NKAIN2: variants seen among roughly 807,000 people sequenced by gnomAD.
NKAIN2 encodes sodium/potassium transporting ATPase interacting 2.
In NKAIN2, 14 loss-of-function variants were observed where a neutral mutation model predicts 32.6. The observed-to-expected ratio is 0.43, with a 90% CI of 0.28 to 0.67. The LOEUF is 0.67. Among genes scored for constraint, NKAIN2 ranks in the 30% least tolerant of loss-of-function variants. The pLI is 0.17. For missense variants in NKAIN2, 198 were observed against 258.3 expected (o/e 0.77, Z 1.60); for synonymous variants, 80 against 87.2 (o/e 0.92, Z 0.46).
intron 3 of NKAIN2, among the ~76,000 whole-genome samples, chr6:124,587,055 A>G (rs767844246): frequency 6.6e-6 from 1 of 152,168 alleles, no homozygotes; most frequent in Non-Finnish European, 1.5e-5. Context: ...CAACAAGGGG[A>G]ATGGGGAATT....
intron 1 of NKAIN2, among the ~76,000 whole-genome samples, chr6:124,124,984 G>A (rs1031960246): frequency 6.6e-6 from 1 of 152,122 alleles, no homozygotes; most frequent in African/African-American, 2.4e-5. Context: ...AAATTTCATT[G>A]TGTCACTGAA....
chr6:124,569,723 C>G (rs1235967002), intron 3 of NKAIN2, among the ~76,000 whole-genome samples: 5 of 152,172 alleles, frequency 3.3e-5, no homozygotes, highest in African/African-American at 4.8e-5. Context: ...AATTAAATCT[C>G]TTTTTCTTCC....
intron 1 of NKAIN2, among the ~76,000 whole-genome samples, chr6:124,032,749 T>G (rs182576636): frequency 9.2e-5 from 14 of 152,160 alleles, no homozygotes; most frequent in African/African-American, 2.6e-4. Flanking sequence ...ATTAAAAAAA[T>G]TAAAAATAGA....
chr6:123,862,340 CTCTA>C (rs902241304), intron 1 of NKAIN2, among the ~76,000 whole-genome samples: 2 of 152,108 alleles, frequency 1.3e-5, no homozygotes, highest in African/African-American at 2.4e-5. Flanking sequence ...TAGTTTTTGA[CTCTA>C]TCTTAGTTTT....
intron 3 of NKAIN2, among the ~76,000 whole-genome samples, chr6:124,650,693 T>C (rs1036361251): frequency 6.6e-6 from 1 of 152,120 alleles, no homozygotes; most frequent in South Asian, 2.1e-4. Context: ...CCTAATCACC[T>C]CTTGTTATGC....
intron 4 of NKAIN2, among the ~76,000 whole-genome samples, chr6:124,707,499 C>T (rs1447922856): frequency 6.9e-6 from 1 of 144,070 alleles, no homozygotes; most frequent in Non-Finnish European, 1.5e-5. Flanking sequence ...CTCTCCAGCA[C>T]CTGTTGTTTC....
intron 5 of NKAIN2, among the ~76,000 whole-genome samples, chr6:124,800,693 T>C (rs1355107035): frequency 6.6e-6 from 1 of 152,198 alleles, no homozygotes; most frequent in African/African-American, 2.4e-5. Flanking sequence ...CACAGAGTGC[T>C]TCTGGGAATC....
chr6:124,671,730 A>G (rs1442915845), intron 4 of NKAIN2, among the ~76,000 whole-genome samples: 1 of 152,070 alleles, frequency 6.6e-6, no homozygotes, highest in Non-Finnish European at 1.5e-5. Context: ...AGCTGATGCA[A>G]GACATATTTT....
At chr6:123,852,471 C>CT (rs1198850683) in intron 1 of NKAIN2, among the ~76,000 whole-genome samples, 2 of 152,108 alleles carry the variant, frequency 1.3e-5, no homozygotes, top group Non-Finnish European at 2.9e-5. Flanking sequence ...GTTTTACTCT[C>CT]TAACTACTAC....
intron 1 of NKAIN2, among the ~76,000 whole-genome samples, chr6:124,200,842 C>T (rs192256117): frequency 2.6e-5 from 4 of 151,906 alleles, no homozygotes; most frequent in Admixed American, 6.6e-5. Context: ...TATAAATGTG[C>T]GGTTTGTATA....
At chr6:124,275,595 C>T (rs1385919304) in intron 1 of NKAIN2, among the ~76,000 whole-genome samples, 4 of 152,078 alleles carry the variant, frequency 2.6e-5, no homozygotes, top group Non-Finnish European at 5.9e-5. Context: ...CATAGTACCA[C>T]AACAGATTTA....
At chr6:123,960,439 G>T (rs1267998666) in intron 1 of NKAIN2, among the ~76,000 whole-genome samples, 1 of 152,168 alleles carries the variant, frequency 6.6e-6, no homozygotes, top group Non-Finnish European at 1.5e-5. Context: ...TTGAAGCTCT[G>T]AGTTTCTATC....
intron 1 of NKAIN2, among the ~76,000 whole-genome samples, chr6:123,865,569 T>C (rs879658025): frequency 2.6e-5 from 4 of 152,232 alleles, no homozygotes; most frequent in Non-Finnish European, 4.4e-5. Flanking sequence ...TATGTTTTAT[T>C]CTATGTGTAA....
intron 3 of NKAIN2, among the ~76,000 whole-genome samples, chr6:124,611,226 G>T (rs1308984322): frequency 6.6e-6 from 1 of 152,078 alleles, no homozygotes; most frequent in Non-Finnish European, 1.5e-5. Context: ...AAGCATCAGG[G>T]TTAAAGGGCT....
chr6:124,262,973 G>A (rs1200070960), intron 1 of NKAIN2, among the ~76,000 whole-genome samples: 1 of 151,974 alleles, frequency 6.6e-6, no homozygotes, highest in Non-Finnish European at 1.5e-5. Flanking sequence ...GCTCTTTAAG[G>A]GATATTACAA....
At chr6:124,013,335 A>G (rs948987095) in intron 1 of NKAIN2, among the ~76,000 whole-genome samples, 5 of 152,164 alleles carry the variant, frequency 3.3e-5, no homozygotes, top group African/African-American at 4.8e-5. Flanking sequence ...CAATCTTTAT[A>G]GAGTGTGTTT....
At position 124,006,022 on chromosome 6, in the gene NKAIN2, T is replaced by C. The variant is rs186362683; in HGVS notation, c.54+201768T>C. 2.0e-5 allele frequency among the ~76,000 whole-genome samples: 3 copies of C among 152,276 alleles called. No homozygotes were observed. In the East Asian group the frequency reaches 5.8e-4, roughly 29 times the overall value. On this transcript the variant is annotated intron_variant, in intron 1 of 6. Transcript: ENST00000368417. Reference sequence around the variant, plus strand: ...CATTCATCCTTACAGCACAAAAAAGTTAATCTGTACAAAATGCTGTTGTTA... The same window carrying C: ...CATTCATCCTTACAGCACAAAAAAGCTAATCTGTACAAAATGCTGTTGTTA...
At chr6:124,541,413 G>A (rs367878945) in intron 3 of NKAIN2, among the ~76,000 whole-genome samples, 84 of 152,076 alleles carry the variant, frequency 5.5e-4, no homozygotes, top group Non-Finnish European at 9.0e-4. Context: ...GTTGCTGAGC[G>A]TATAATTTAT....
At chr6:124,021,095 A>G (rs912697143) in intron 1 of NKAIN2, among the ~76,000 whole-genome samples, 1 of 152,006 alleles carries the variant, frequency 6.6e-6, no homozygotes, top group Non-Finnish European at 1.5e-5. Context: ...TTGCCTTTCT[A>G]CTTGTACTTT....
Sources: gnomAD v4.1 joint callset for allele counts (sites outside exome capture counted in the v4.1 genomes callset) on GRCh38, gnomAD v4.1.1 for gene constraint, MANE v1.5 for transcripts, NCBI Gene and HGNC (gene_info 2026-07-23, HGNC 2026-07-21) for gene names.